SLC30A7: variants seen among roughly 807,000 people sequenced by gnomAD.
SLC30A7 encodes the protein solute carrier family 30 member 7.
In SLC30A7, 35 loss-of-function variants were observed where a neutral mutation model predicts 46.0. That is an observed-to-expected ratio of 0.76 (90% CI 0.58 to 1.01). SLC30A7 has a LOEUF of 1.01. SLC30A7 is among the 50% of genes least tolerant of loss of function. The pLI is 0.00. For missense variants in SLC30A7, 464 were observed against 451.1 expected, an observed-to-expected ratio of 1.03 and a Z score of -0.26; for synonymous variants, 147 against 157.8, an observed-to-expected ratio of 0.93 and a Z score of 0.51.
At chr1:100,918,287 T>C (rs940015671) in intron 7 of SLC30A7, among the ~76,000 whole-genome samples, 160 bp downstream of exon 7, 3 of 152,196 alleles carry the variant, frequency 2.0e-5, no homozygotes, top group Non-Finnish European at 4.4e-5. Flanking sequence ...CTATTAGATA[T>C]ATTAGCAGAC....
At chr1:100,946,785 A>G (rs1179076873) in intron 8 of SLC30A7, among the ~76,000 whole-genome samples, 2 of 152,140 alleles carry the variant, frequency 1.3e-5, no homozygotes, top group African/African-American at 2.4e-5. Flanking sequence ...TGGTATCTGC[A>G]TGATGCTGGC....
At chr1:100,921,919 A>G in intron 8 of SLC30A7, 78 bp downstream of exon 8, 1 of 1,290,932 alleles carries the variant, frequency 7.7e-7, no homozygotes. Flanking sequence ...GGTCTAAAAT[A>G]CAAATAATTA....
chr1:100,909,476 T>G (rs1429631398), intron 3 of SLC30A7, among the ~76,000 whole-genome samples: 1 of 152,138 alleles, frequency 6.6e-6, no homozygotes, highest in African/African-American at 2.4e-5. Context: ...ATCTTTTCTA[T>G]TTTTCTTCCT....
chr1:100,900,950 C>A (rs1651267923), intron 2 of SLC30A7, among the ~76,000 whole-genome samples: 2 of 152,130 alleles, frequency 1.3e-5, no homozygotes, highest in Non-Finnish European at 1.5e-5. Context: ...ATTTAATGGA[C>A]CTCATGTACC....
At chr1:100,988,807 A>G in the SLC30A7 span, among the ~76,000 whole-genome samples, 1 of 152,120 alleles carries the variant, frequency 6.6e-6, no homozygotes, top group African/African-American at 2.4e-5. Flanking sequence ...CCAAGATTGC[A>G]CCACTACACT....
intron 8 of SLC30A7, among the ~76,000 whole-genome samples, chr1:100,938,885 A>G (rs892433066): frequency 6.6e-6 from 1 of 152,170 alleles, no homozygotes; most frequent in Non-Finnish European, 1.5e-5. Context: ...GTACATGTGC[A>G]GGATTGTTAC....
chr1:100,990,509 T>C, the SLC30A7 span: 4 of 1,614,028 alleles, frequency 2.5e-6, no homozygotes, highest in Non-Finnish European at 3.4e-6. Context: ...CCTGTGATGA[T>C]CAAGGAATGC....
At chr1:100,923,285 G>GTA (rs1458000828) in intron 8 of SLC30A7, among the ~76,000 whole-genome samples, 13 of 105,854 alleles carry the variant, frequency 1.2e-4, no homozygotes, top group East Asian at 2.4e-4. Context: ...CAAAGTGCTG[G>GTA]GATTACAGGC....
At chr1:100,902,896 G>A (rs1028010814) in intron 2 of SLC30A7, among the ~76,000 whole-genome samples, 4 of 152,036 alleles carry the variant, frequency 2.6e-5, no homozygotes, top group South Asian at 2.1e-4. Flanking sequence ...GAATTTGGGC[G>A]CAGGAACACA....
At chr1:100,909,953 A>C (rs1406970417) in intron 3 of SLC30A7, among the ~76,000 whole-genome samples, 1 of 147,824 alleles carries the variant, frequency 6.8e-6, no homozygotes, top group Non-Finnish European at 1.5e-5. Flanking sequence ...ATTTGAATTT[A>C]ATGAACTTTT....
intron 8 of SLC30A7, among the ~76,000 whole-genome samples, chr1:100,940,696 C>T (rs922397558): frequency 9.2e-5 from 14 of 152,246 alleles, no homozygotes; most frequent in African/African-American, 2.4e-5. Context: ...GTGTCATGAT[C>T]GGACTATAAC....
At chr1:100,915,237 C>CTTTT (rs1462899757) in intron 6 of SLC30A7, among the ~76,000 whole-genome samples, 1 of 79,612 alleles carries the variant, frequency 1.3e-5, no homozygotes, top group Non-Finnish European at 2.7e-5. Context: ...TTCTTTCTTT[C>CTTTT]TTTCTTTCTT....
At position 100,974,822 on chromosome 1, in the gene SLC30A7, C is replaced by T. The variant is rs768954008; in HGVS notation, c.1096C>T (p.Gln366Ter). 1 of 1,586,994 alleles carries T rather than the reference C, an allele frequency of 6.3e-7. No homozygotes were observed. The highest frequency in any genetic ancestry group is 1.7e-5 in the Admixed American group (1 of 59,514). ...TCTTACTTTTCAGGCTGGAGTGAGA[C>T]AGCTCTACGTACAGATTGACTTTGC... Reference protein sequence around the residue: ...HNIFTQAGVRQLYVQIDFAAM With the variant: ...HNIFTQAGVR Residue 366 changes from glutamine to a stop codon, truncating the protein, a stop_gained, in exon 11 of 11, where the codon CAG becomes TAG. Coordinates refer to ENST00000357650, the MANE Select transcript of SLC30A7 (RefSeq NM_133496.5). LOFTEE classifies it high-confidence loss of function.
rs1656742695 is a variant in SLC30A7, at chr1:100,979,043, A to G, written c.*4186A>G. 1 of 152,108 alleles carries G rather than the reference A, an allele frequency of 6.6e-6. No individual in the cohort carries two copies. The highest frequency in any genetic ancestry group is 2.1e-4 in the South Asian group (1 of 4,824). 9.4% of individuals were successfully genotyped at this position (152,108 alleles called of 1,614,324 possible). A position where few individuals can be genotyped will look rare whatever the true frequency, so the allele number is the denominator to read the frequency against. On this transcript the variant is annotated 3_prime_UTR_variant, in exon 11 of 11. Transcript: ENST00000357650. ...ATTCTTGTCGTGTTGGCTTCCAGTCACTGGAAAAGCTTTTGCATTTTAAAG... is the reference window on the plus strand; with the variant it reads ...ATTCTTGTCGTGTTGGCTTCCAGTCGCTGGAAAAGCTTTTGCATTTTAAAG...
chr1:100,952,439 A>G (rs1655007429), intron 8 of SLC30A7, among the ~76,000 whole-genome samples: 1 of 152,202 alleles, frequency 6.6e-6, no homozygotes, highest in African/African-American at 2.4e-5. Context: ...CACTTTCAGT[A>G]AAAGTGCTAA....
chr1:100,992,861 T>G, the SLC30A7 span: 1 of 599,988 alleles, frequency 1.7e-6, no homozygotes, highest in African/African-American at 1.8e-5. Flanking sequence ...TTGATGTTTT[T>G]TTACATGTAC....
At chr1:100,913,055 A>G (rs1436605515) in intron 5 of SLC30A7, among the ~76,000 whole-genome samples, 1 of 152,090 alleles carries the variant, frequency 6.6e-6, no homozygotes, top group African/African-American at 2.4e-5. Context: ...TGTCCTTTAG[A>G]ATAGCCTGTA....
At chr1:100,924,669 A>G (rs1444210312) in intron 8 of SLC30A7, among the ~76,000 whole-genome samples, 1 of 146,044 alleles carries the variant, frequency 6.8e-6, no homozygotes, top group Non-Finnish European at 1.5e-5. Context: ...TCCCTGGCCA[A>G]AAAAAAAAAA....
chr1:100,906,802 C>G (rs372278158), intron 2 of SLC30A7, 50 bp from the exon 3 acceptor site: 7 of 1,217,330 alleles, frequency 5.8e-6, no homozygotes, highest in Non-Finnish European at 7.3e-6. Context: ...AGAAAGATGC[C>G]TACTGTTTGG....
Sources: gnomAD v4.1 joint callset for allele counts (sites outside exome capture counted in the v4.1 genomes callset) on GRCh38, gnomAD v4.1.1 for gene constraint, MANE v1.5 for transcripts, NCBI Gene and HGNC (gene_info 2026-07-23, HGNC 2026-07-21) for gene names.